UBFD1: variants seen among roughly 807,000 people sequenced by gnomAD.
UBFD1 encodes ubiquitin family domain containing 1.
UBFD1 carries 12 observed loss-of-function variants against 35.1 expected under a neutral mutation model. The ratio of observed to expected loss-of-function variants is 0.34; its 90% CI spans 0.22 to 0.55. UBFD1 has a LOEUF of 0.55. Ranked by LOEUF, UBFD1 falls within the 20% of genes least tolerant of loss-of-function variation. The pLI is 0.89. For missense variants in UBFD1, 337 were observed against 410.8 expected (o/e 0.82, Z 1.55); for synonymous variants, 178 against 167.6 (o/e 1.06, Z -0.48).
chr16:23,559,864 G>T, intron 3 of UBFD1, 188 bp downstream of exon 3: 1 of 1,534,506 alleles, frequency 6.5e-7, no homozygotes, highest in Non-Finnish European at 8.7e-7. Flanking sequence ...TGTCTCATCT[G>T]GCGGGTCAGT....
In UBFD1 at chr16:23,572,222, C is replaced by G. The variant is rs374482223; in HGVS notation, c.*1632C>G. On this transcript the variant is annotated 3_prime_UTR_variant, in exon 7 of 7. Transcript: ENST00000395878. ...ATGCATCTAGGCAGGAAAATCTACT[C>G]TTTGCTTTTTTGGGGGCAATTAGTA... The G allele has an allele frequency of 3.3e-5, 5 of 152,610 alleles. No individual in the cohort carries two copies. In the East Asian group the frequency reaches 7.7e-4, roughly 23 times the overall value. 9.5% of individuals were successfully genotyped at this position (152,610 alleles called of 1,614,324 possible).
Position 23,562,608 on chromosome 16 carries a change from TTC to T in UBFD1, c.631-12_631-11del, listed in dbSNP as rs781166539. ...CTGACTGTCCCTCCATCTCTTACCA[TTC>T]TCTCGTGCCTTCAGGAGCGCCTGCC... On this transcript the variant is annotated splice_polypyrimidine_tract_variant and intron_variant, in intron 4 of 6. Transcript: ENST00000395878. 6.2e-6 allele frequency: 10 copies of T among 1,611,858 alleles called. No individual in the cohort carries two copies. The East Asian group carries it at 8.9e-5, about 14-fold the overall frequency.
chr16:23,558,345 T>A, intron 2 of UBFD1, 66 bp downstream of exon 2: 3 of 1,557,212 alleles, frequency 1.9e-6, no homozygotes, highest in Non-Finnish European at 2.6e-6. Flanking sequence ...TGCACCCTAC[T>A]AGGCACCTGG....
chr16:23,558,399 C>G, intron 2 of UBFD1, 120 bp downstream of exon 2: 1 of 1,242,096 alleles, frequency 8.1e-7, no homozygotes, highest in Non-Finnish European at 1.1e-6. Flanking sequence ...CAGCAGTCTT[C>G]TGAAGGATAC....
At position 23,570,747 on chromosome 16, in the gene UBFD1, T is replaced by A; in HGVS notation, c.*157T>A. 1.8e-6 allele frequency: 1 copy of A among 553,044 alleles called. No individual in the cohort carries two copies. The highest frequency in any genetic ancestry group is 4.8e-4 in the Middle Eastern group (1 of 2,092). 34.3% of individuals were successfully genotyped at this position (553,044 alleles called of 1,614,324 possible). A position where few individuals can be genotyped will look rare whatever the true frequency, so the allele number is the denominator to read the frequency against. ...GTGGTGACTGAAGCCAGAGGTGATG[T>A]ACTTTCACCATTAGCTTAATTTTAA... On this transcript the variant is annotated 3_prime_UTR_variant, in exon 7 of 7. Coordinates refer to ENST00000395878, the MANE Select transcript of UBFD1 (RefSeq NM_019116.3).
chr16:23,559,865 G>T (rs1046901503), intron 3 of UBFD1, 189 bp downstream of exon 3: 23 of 1,534,178 alleles, frequency 1.5e-5, no homozygotes, highest in Non-Finnish European at 1.9e-5. Context: ...GTCTCATCTG[G>T]CGGGTCAGTG....
At chr16:23,559,254 C>T (rs7198910) in intron 2 of UBFD1, 1 of 474,018 alleles carries the variant, frequency 2.1e-6, no homozygotes, top group African/African-American at 2.0e-5. Context: ...TCTCTTAATC[C>T]TTGAAACAGG....
rs1370840558 is a variant in UBFD1 at position 23,572,556 on chromosome 16, G to C, written c.*1966G>C. The C allele has an allele frequency of 1.3e-5, 2 of 153,500 alleles. No individual in the cohort carries two copies. Among genetic ancestry groups the C allele is most frequent in the African/African-American group, 4.8e-5 (2 of 41,558 alleles). The allele number at this position is 153,500 out of a possible 1,614,324, so 9.5% of individuals were successfully genotyped here. ...AGCAGGTGGCTCCATCCCCAGACTA[G>C]CCTGGCTGCTCTCCGAGGCCCCTCC... On this transcript the variant is annotated 3_prime_UTR_variant, in exon 7 of 7. Transcript: ENST00000395878.
intron 3 of UBFD1, chr16:23,559,955 G>A (rs1186968305): frequency 1.5e-6 from 2 of 1,322,276 alleles, no homozygotes; most frequent in Non-Finnish European, 2.0e-6. Context: ...ATCAGACGTG[G>A]GTTTCTCTCT....
intron 6 of UBFD1, among the ~76,000 whole-genome samples, chr16:23,568,481 A>G (rs1966041172): frequency 6.6e-6 from 1 of 151,676 alleles, no homozygotes; most frequent in South Asian, 2.1e-4. Context: ...CTTTATTACA[A>G]GGATTGCAGA....
rs990681023 is a variant in UBFD1 at position 23,572,520 on chromosome 16, T to G, written c.*1930T>G. 3.3e-5 allele frequency: 5 copies of G among 153,136 alleles called. No homozygotes were observed. Among genetic ancestry groups the G allele is most frequent in the African/African-American group, 4.8e-5 (2 of 41,454 alleles). 9.5% of individuals were successfully genotyped at this position (153,136 alleles called of 1,614,324 possible). On this transcript the variant is annotated 3_prime_UTR_variant, in exon 7 of 7. Transcript: ENST00000395878. ...CCTGACAGTGCCGCACACCTACTTT[T>G]GATCTCTCAGAGCAGGTGGCTCCAT...
Position 23,568,195 on chromosome 16 carries a change from C to T in UBFD1, c.819+1126C>T, listed in dbSNP as rs558084820. Among the ~76,000 whole-genome samples the T allele has an allele frequency of 5.1e-4, 71 of 139,676 alleles. 1 individual carries two copies. The South Asian group carries it at 0.016, about 32-fold the overall frequency. The allele number at this position is 139,676 out of a possible 152,430, so 91.6% of individuals were successfully genotyped here. A position where few individuals can be genotyped will look rare whatever the true frequency, so the allele number is the denominator to read the frequency against. On this transcript the variant is annotated intron_variant, in intron 6 of 6. Coordinates refer to ENST00000395878, the MANE Select transcript of UBFD1 (RefSeq NM_019116.3). The stretch of plus-strand genomic sequence containing the variant: ...TTTTTTTTTGAGACGGAATCTCGCT[C>T]TGTCACCAGGCTGAAGTGCAGTGGC...
In UBFD1 at chr16:23,563,412, GTC is replaced by G. The variant is rs550578479; in HGVS notation, c.736+686_736+687del. Reference sequence around the variant, plus strand: ...TCAGCCTTGCTGTTTGCTGGGAAGTGTCTCTGACTGTCCTCCCTCTCCCTTCC... The same window carrying G: ...TCAGCCTTGCTGTTTGCTGGGAAGTGTCTGACTGTCCTCCCTCTCCCTTCC... On this transcript the variant is annotated intron_variant, in intron 5 of 6. Coordinates refer to ENST00000395878, the MANE Select transcript of UBFD1 (RefSeq NM_019116.3). Among the ~76,000 whole-genome samples the G allele has an allele frequency of 1.6e-3, 244 of 152,122 alleles. 2 individuals carry two copies. The highest frequency in any genetic ancestry group is 5.7e-3 in the African/African-American group (237 of 41,498).
chr16:23,560,449 C>T (rs1355354381), intron 3 of UBFD1, among the ~76,000 whole-genome samples: 1 of 152,182 alleles, frequency 6.6e-6, no homozygotes, highest in African/African-American at 2.4e-5. Flanking sequence ...GTATTCTCAA[C>T]TGTGTCTGAA....
intron 2 of UBFD1, 63 bp from the exon 3 acceptor site, chr16:23,559,405 T>C (rs1261277654): frequency 6.9e-7 from 1 of 1,441,648 alleles, no homozygotes; most frequent in African/African-American, 1.4e-5. Context: ...AAGAGCTGTG[T>C]AGTATCCATA....
In UBFD1 at chr16:23,571,604, C is replaced by T. The variant is rs1966085818; in HGVS notation, c.*1014C>T. ...ATAACCTTCTTTCTTTGGAAGTTTT[C>T]AAGAAATTCTTAAGCAGTCCAAGGA... is the stretch of plus-strand genomic sequence containing the variant. On this transcript the variant is annotated 3_prime_UTR_variant, in exon 7 of 7. Coordinates refer to ENST00000395878, the MANE Select transcript of UBFD1 (RefSeq NM_019116.3). 1 of 152,642 alleles carries T rather than the reference C, an allele frequency of 6.6e-6. No individual in the cohort carries two copies. The highest frequency in any genetic ancestry group is 1.5e-5 in the Non-Finnish European group (1 of 68,040). 9.5% of individuals were successfully genotyped at this position (152,642 alleles called of 1,614,324 possible). A position where few individuals can be genotyped will look rare whatever the true frequency, so the allele number is the denominator to read the frequency against.
At position 23,571,543 on chromosome 16, in the gene UBFD1, G is replaced by A. The variant is rs1434694143; in HGVS notation, c.*953G>A. Reference sequence around the variant, plus strand: ...GACCTCTTCCAGGAGGAGCCAGGTAGAAGATAGTTATACAGCCATATAGCT... The same window carrying A: ...GACCTCTTCCAGGAGGAGCCAGGTAAAAGATAGTTATACAGCCATATAGCT... On this transcript the variant is annotated 3_prime_UTR_variant, in exon 7 of 7. Transcript: ENST00000395878. The A allele has an allele frequency of 6.6e-6, 1 of 152,462 alleles. No homozygotes were observed. The highest frequency in any genetic ancestry group is 1.5e-5 in the Non-Finnish European group (1 of 68,074). 9.4% of individuals were successfully genotyped at this position (152,462 alleles called of 1,614,324 possible). A position where few individuals can be genotyped will look rare whatever the true frequency, so the allele number is the denominator to read the frequency against.
At position 23,571,560 on chromosome 16, in the gene UBFD1, C is replaced by T. The variant is rs1396617786; in HGVS notation, c.*970C>T. The T allele has an allele frequency of 1.3e-5, 2 of 152,562 alleles. No individual in the cohort carries two copies. Among genetic ancestry groups the T allele is most frequent in the Admixed American group, 6.5e-5 (1 of 15,288 alleles). 9.5% of individuals were successfully genotyped at this position (152,562 alleles called of 1,614,324 possible). On this transcript the variant is annotated 3_prime_UTR_variant, in exon 7 of 7. Transcript: ENST00000395878. ...GCCAGGTAGAAGATAGTTATACAGC[C>T]ATATAGCTGCAGATCCAGATAACCT...
In UBFD1 at chr16:23,559,518, G is replaced by A. The variant is rs1160352112; in HGVS notation, c.406G>A (p.Asp136Asn). ...KVMYKGLVPE[D>N]KTLREIKVTS... ...CATGTATAAGGGACTCGTCCCCGAGGATAAAACATTGAGAGAAATAAAAGT... is the reference window on the plus strand; with the variant it reads ...CATGTATAAGGGACTCGTCCCCGAGAATAAAACATTGAGAGAAATAAAAGT... Residue 136 changes from aspartate (D) to asparagine (N), a missense_variant, in exon 3 of 7, where the codon GAT (aspartate) becomes AAT (asparagine). This residue lies in a region of UBFD1 where 24 missense variants were observed against 53.7 expected (regional missense o/e 0.45). Coordinates refer to ENST00000395878, the MANE Select transcript of UBFD1 (RefSeq NM_019116.3). 25 of 1,614,008 alleles carry A rather than the reference G, an allele frequency of 1.5e-5. No homozygotes were observed. Among genetic ancestry groups the A allele is most frequent in the Non-Finnish European group, 2.1e-5 (25 of 1,180,040 alleles).
Sources: allele counts gnomAD v4.1 joint callset (sites outside exome capture counted in the v4.1 genomes callset), GRCh38; gene constraint gnomAD v4.1.1; regional missense constraint gnomAD v4.1.1; transcripts MANE v1.5; gene names NCBI Gene and HGNC (gene_info 2026-07-23, HGNC 2026-07-21).